The following CREB1 variants were observed in gnomAD, a reference collection of about 807,000 sequenced individuals.
CREB1 encodes the protein cAMP responsive element binding protein 1.
CREB1 carries 2 observed loss-of-function variants against 42.0 expected under a neutral mutation model. The observed-to-expected ratio is 0.05, with a 90% CI of 0.02 to 0.15. The LOEUF is 0.15. Ranked by LOEUF, CREB1 falls within the 10% of genes least tolerant of loss-of-function variation. CREB1 has a pLI of 1.00. For synonymous variants in CREB1, 123 were observed against 139.9 expected (o/e 0.88, Z 0.85); for missense variants, 199 against 388.9 (o/e 0.51, Z 4.11).
At chr2:207,571,865 A>G in intron 5 of CREB1, 1 of 379,086 alleles carries the variant, frequency 2.6e-6, no homozygotes, top group South Asian at 1.9e-5. Flanking sequence ...GAAGGTTAGA[A>G]AAGTACCAGC....
chr2:207,561,638 C>G (rs945401428), intron 3 of CREB1, among the ~76,000 whole-genome samples: 12 of 152,158 alleles, frequency 7.9e-5, no homozygotes, highest in Non-Finnish European at 1.5e-4. Context: ...AATTTCCAGA[C>G]TAAACAAACT....
chr2:207,558,231 C>T (rs899043385), intron 2 of CREB1, among the ~76,000 whole-genome samples: 1 of 152,184 alleles, frequency 6.6e-6, no homozygotes, highest in East Asian at 1.9e-4. Context: ...ATCTTCCCCC[C>T]AGGCTTCACA....
chr2:207,547,991 G>T (rs2081360345), intron 1 of CREB1, among the ~76,000 whole-genome samples: 1 of 151,808 alleles, frequency 6.6e-6, no homozygotes, highest in Non-Finnish European at 1.5e-5. Context: ...AAGGAGTGCA[G>T]TGGTGCAATC....
intron 1 of CREB1, among the ~76,000 whole-genome samples, chr2:207,537,373 G>T (rs2080917299): frequency 6.6e-6 from 1 of 152,072 alleles, no homozygotes; most frequent in African/African-American, 2.4e-5. Context: ...TGGGGATGGG[G>T]GTGGGGTAGA....
In CREB1 at chr2:207,604,836, TA is replaced by T. The variant is rs1652388797; in HGVS notation, c.*7779del. Among the ~76,000 whole-genome samples the T allele has an allele frequency of 6.6e-6, 1 of 152,242 alleles. No homozygotes were observed. Among genetic ancestry groups the T allele is most frequent in the Non-Finnish European group, 1.5e-5 (1 of 68,040 alleles). ...TTTCATGTGAGACTCATACACTGTGTATTACTTCTTTCGTCTAGCTTTAATG... is the reference window on the plus strand; with the variant it reads ...TTTCATGTGAGACTCATACACTGTGTTTACTTCTTTCGTCTAGCTTTAATG... On this transcript the variant is annotated 3_prime_UTR_variant, in exon 8 of 8. Transcript: ENST00000353267.
At chr2:207,564,572 G>A (rs2082072946) in intron 3 of CREB1, among the ~76,000 whole-genome samples, 1 of 151,888 alleles carries the variant, frequency 6.6e-6, no homozygotes, top group Admixed American at 6.6e-5. Context: ...CTCTACCGAG[G>A]GATAGTACTT....
intron 7 of CREB1, chr2:207,582,263 C>G (rs1425605353): frequency 3.0e-6 from 2 of 664,454 alleles, no homozygotes; most frequent in Non-Finnish European, 5.4e-6. Flanking sequence ...CAGATATATT[C>G]TTTTCTCTTT....
chr2:207,545,614 C>T (rs1199862402), intron 1 of CREB1, among the ~76,000 whole-genome samples: 1 of 151,918 alleles, frequency 6.6e-6, no homozygotes, highest in Non-Finnish European at 1.5e-5. Flanking sequence ...GTCGTTACTA[C>T]GTAGTAGGCG....
chr2:207,532,373 T>C (rs564979811), intron 1 of CREB1, among the ~76,000 whole-genome samples: 2 of 151,926 alleles, frequency 1.3e-5, no homozygotes, highest in South Asian at 4.2e-4. Context: ...TGTGAGATTT[T>C]TAAAAAATTG....
intron 3 of CREB1, among the ~76,000 whole-genome samples, chr2:207,561,517 T>A (rs555373770): frequency 3.9e-5 from 6 of 152,330 alleles, no homozygotes; most frequent in African/African-American, 1.4e-4. Flanking sequence ...TACCTAGTGA[T>A]CCCGGGTAAA....
chr2:207,582,859 C>A (rs766762548), intron 7 of CREB1: 6 of 325,206 alleles, frequency 1.8e-5, no homozygotes, highest in Admixed American at 3.7e-5. Context: ...CACTACTACT[C>A]CAGCCTGAGT....
intron 1 of CREB1, among the ~76,000 whole-genome samples, chr2:207,533,591 A>T (rs2106329808): frequency 6.6e-6 from 1 of 152,320 alleles, no homozygotes; most frequent in Admixed American, 6.5e-5. Context: ...CCAGCTTGTG[A>T]CATAGTTTTG....
intron 7 of CREB1, among the ~76,000 whole-genome samples, chr2:207,592,911 C>CAAAAAAGAAAAAGAAAAAGAA (rs146008919): frequency 6.9e-6 from 1 of 145,122 alleles, no homozygotes; most frequent in African/African-American, 2.6e-5. Flanking sequence ...GACTCCATCT[C>CAAAAAAGAAAAAGAAAAAGAA]AAAAAAGAAA....
chr2:207,535,342 T>A (rs2106338615), intron 1 of CREB1, among the ~76,000 whole-genome samples: 1 of 152,290 alleles, frequency 6.6e-6, no homozygotes, highest in East Asian at 1.9e-4. Flanking sequence ...AGACTACTTC[T>A]TTCAATTATT....
chr2:207,575,538 A>G, intron 6 of CREB1, 84 bp downstream of exon 6: 1 of 1,152,786 alleles, frequency 8.7e-7, no homozygotes, highest in Non-Finnish European at 1.2e-6. Context: ...TAAGTATCAT[A>G]TTGCAAACCA....
chr2:207,556,621 G>A (rs75569218), intron 2 of CREB1, among the ~76,000 whole-genome samples: 1 of 152,320 alleles, frequency 6.6e-6, no homozygotes, highest in African/African-American at 2.4e-5. Flanking sequence ...TGGATTTCCA[G>A]CAAGAATATA....
intron 1 of CREB1, among the ~76,000 whole-genome samples, chr2:207,549,545 G>A (rs2081420270): frequency 6.6e-6 from 1 of 152,172 alleles, no homozygotes; most frequent in Non-Finnish European, 1.5e-5. Context: ...TAACACTTTA[G>A]AAAATTAAGA....
intron 4 of CREB1, among the ~76,000 whole-genome samples, chr2:207,569,291 C>T (rs2082259973): frequency 1.3e-5 from 2 of 152,088 alleles, no homozygotes; most frequent in Non-Finnish European, 2.9e-5. Context: ...GGGTGAATTC[C>T]TGGAAATGGG....
At chr2:207,588,416 C>G (rs2084294463) in intron 7 of CREB1, among the ~76,000 whole-genome samples, 1 of 152,090 alleles carries the variant, frequency 6.6e-6, no homozygotes. Flanking sequence ...TAGCCAATAC[C>G]ATGTTGCCTT....
Sources: gnomAD v4.1 joint callset for allele counts (sites outside exome capture counted in the v4.1 genomes callset) on GRCh38, gnomAD v4.1.1 for gene constraint, MANE v1.5 for transcripts, NCBI Gene and HGNC (gene_info 2026-07-23, HGNC 2026-07-21) for gene names.